Variants in SECISBP2 observed in about 807,000 individuals in gnomAD.
The protein encoded by SECISBP2 is SECIS binding protein 2, also known as selenocysteine insertion sequence-binding protein 2.
A neutral mutation model predicts 98.2 loss-of-function variants in SECISBP2; 96 were observed. That is an observed-to-expected ratio of 0.98 (90% CI 0.83 to 1.16). The LOEUF is 1.16. Among genes scored for constraint, SECISBP2 ranks in the 50% most tolerant of loss-of-function variants. SECISBP2 has a pLI of 0.00. For synonymous variants in SECISBP2, 407 were observed against 370.2 expected (o/e 1.10, Z -1.14); for missense variants, 1,046 against 1,022.9 (o/e 1.02, Z -0.31).
chr9:89,344,016 C>G (rs1830065382), intron 10 of SECISBP2, among the ~76,000 whole-genome samples: 1 of 152,154 alleles, frequency 6.6e-6, no homozygotes, highest in South Asian at 2.1e-4. Context: ...GCCATTCTGA[C>G]TGATGTGAGA....
At chr9:89,362,548 G>A, downstream of SECISBP2, 1 of 1,561,804 alleles carries the variant, frequency 6.4e-7, no homozygotes, top group South Asian at 1.1e-5. Flanking sequence ...GCCCCCTGTT[G>A]TGGTTCCCCT....
intron 4 of SECISBP2, among the ~76,000 whole-genome samples, chr9:89,327,876 T>C (rs1827042591): frequency 6.6e-6 from 1 of 151,502 alleles, no homozygotes; most frequent in South Asian, 2.1e-4. Flanking sequence ...AGTGGCACTA[T>C]TTTGGCTCAC....
At chr9:89,350,078 C>A in intron 13 of SECISBP2, 149 bp downstream of exon 13, 1 of 911,044 alleles carries the variant, frequency 1.1e-6, no homozygotes, top group Non-Finnish European at 1.7e-6. Context: ...CCTGGTTACA[C>A]GCATTCAGGG....
intron 10 of SECISBP2, 65 bp from the exon 11 acceptor site, chr9:89,346,817 C>T (rs1246721751): frequency 6.2e-6 from 10 of 1,600,712 alleles, no homozygotes; most frequent in East Asian, 2.2e-5. Flanking sequence ...GGGCGAGCTG[C>T]GATCCAAGAG....
At chr9:89,352,059 T>C (rs1364427361) in intron 14 of SECISBP2, among the ~76,000 whole-genome samples, 1 of 152,230 alleles carries the variant, frequency 6.6e-6, no homozygotes, top group Non-Finnish European at 1.5e-5. Flanking sequence ...TTCACATGTT[T>C]TCAGTTTTAA....
At position 89,357,501 on chromosome 9, in the gene SECISBP2, G is replaced by A. The variant is rs1832270191; in HGVS notation, c.2204G>A (p.Gly735Glu). ...FVFALNRKAL[G>E]RSLNKAVPVS... ...TTTGCTCTCAACCGCAAAGCTCTGG[G>A]GCGCAGTTTGAATAAGGCAGTTCCT... Residue 735 changes from glycine (G) to glutamate (E), a missense_variant, in exon 15 of 17, where the codon GGG becomes GAG. Coordinates refer to ENST00000375807, the MANE Select transcript of SECISBP2 (RefSeq NM_024077.5). 1 of 1,614,082 alleles carries A rather than the reference G, an allele frequency of 6.2e-7. No individual in the cohort carries two copies. Among genetic ancestry groups the A allele is most frequent in the Non-Finnish European group, 8.5e-7 (1 of 1,180,046 alleles).
chr9:89,340,285 G>A (rs749400998), intron 9 of SECISBP2, among the ~76,000 whole-genome samples: 14 of 152,098 alleles, frequency 9.2e-5, no homozygotes, highest in South Asian at 8.3e-4. Flanking sequence ...TTTGGGAAAC[G>A]GAAGAATTTT....
intron 1 of SECISBP2, chr9:89,318,907 C>G: frequency 8.1e-7 from 1 of 1,231,428 alleles, no homozygotes; most frequent in South Asian, 3.3e-5. Flanking sequence ...GGCGGGGGGA[C>G]TCTGGCGAGC....
downstream of SECISBP2, chr9:89,363,651 G>A: frequency 6.3e-7 from 1 of 1,592,760 alleles, no homozygotes. Flanking sequence ...CACCGTGCAA[G>A]CATGCTTTCC....
intron 16 of SECISBP2, 27 bp from the exon 17 acceptor site, chr9:89,358,694 C>T: frequency 6.8e-7 from 1 of 1,477,536 alleles, no homozygotes; most frequent in South Asian, 1.1e-5. Context: ...ATGCCTATTC[C>T]TCACTCGTGC....
intron 5 of SECISBP2, 199 bp from the exon 6 acceptor site, chr9:89,332,709 A>G (rs934028045): frequency 6.7e-6 from 4 of 597,826 alleles, no homozygotes; most frequent in Non-Finnish European, 1.2e-5. Context: ...TGGCTAAATC[A>G]TATGGTAAGA....
chr9:89,328,079 C>T (rs1463227509), intron 4 of SECISBP2, among the ~76,000 whole-genome samples: 1 of 152,162 alleles, frequency 6.6e-6, no homozygotes, highest in Admixed American at 6.5e-5. Context: ...GGGATTAAGG[C>T]GTGAGCCACC....
intron 16 of SECISBP2, 102 bp from the exon 17 acceptor site, chr9:89,358,619 G>T: frequency 2.5e-6 from 2 of 787,816 alleles, no homozygotes; most frequent in South Asian, 2.8e-5. Context: ...TGAGCTGCTG[G>T]GCAGTGGCCA....
chr9:89,338,655 T>C lies in SECISBP2; in HGVS notation c.1212+75T>C, dbSNP rs575713244. On this transcript the variant is annotated intron_variant, in intron 8 of 16. Coordinates refer to ENST00000375807, the MANE Select transcript of SECISBP2 (RefSeq NM_024077.5). The stretch of plus-strand genomic sequence containing the variant: ...TCTTAAAAGAAACTTGGGTTCATAT[T>C]GGTTTCCTAAGTGAAAATCTCCAGG... 94 of 1,478,384 alleles carry C rather than the reference T, an allele frequency of 6.4e-5. 1 individual carries two copies. In the South Asian group the frequency reaches 1.0e-3, roughly 17 times the overall value. The allele number at this position is 1,478,384 out of a possible 1,614,324, so 91.6% of individuals were successfully genotyped here.
chr9:89,348,606 T>G (rs577367049), intron 12 of SECISBP2, among the ~76,000 whole-genome samples: 44 of 152,350 alleles, frequency 2.9e-4, no homozygotes, highest in Non-Finnish European at 5.4e-4. Context: ...TCATATTCAG[T>G]TATACATTCA....
intron 4 of SECISBP2, among the ~76,000 whole-genome samples, chr9:89,328,162 A>G (rs1425419413): frequency 3.9e-5 from 6 of 152,218 alleles, no homozygotes; most frequent in Admixed American, 1.3e-4. Flanking sequence ...TAATACATAA[A>G]CAAGTGACAT....
chr9:89,335,556 C>T (rs1564370592), intron 7 of SECISBP2, among the ~76,000 whole-genome samples: 1 of 152,154 alleles, frequency 6.6e-6, no homozygotes, highest in African/African-American at 2.4e-5. Context: ...TAATCTCACT[C>T]CTGACCTCAG....
At chr9:89,363,660 C>T, downstream of SECISBP2, 1 of 1,592,574 alleles carries the variant, frequency 6.3e-7, no homozygotes, top group Non-Finnish European at 8.6e-7. Flanking sequence ...AGCATGCTTT[C>T]CAGCTGTTTT....
chr9:89,360,313 A>G (rs76414813), downstream of SECISBP2, among the ~76,000 whole-genome samples: 1,050 of 152,310 alleles, frequency 6.9e-3, 15 homozygotes, highest in African/African-American at 0.024. Context: ...CAGTAAGTAA[A>G]TAGCAAGTTG....
Sources: gnomAD v4.1 joint callset for allele counts (sites outside exome capture counted in the v4.1 genomes callset) on GRCh38, gnomAD v4.1.1 for gene constraint, MANE v1.5 for transcripts, NCBI Gene and HGNC (gene_info 2026-07-23, HGNC 2026-07-21) for gene names.